GSN: variants seen among roughly 807,000 people sequenced by gnomAD.
GSN encodes actin-depolymerizing factor.
Under a neutral mutation model 85.7 loss-of-function variants are expected in GSN, and 56 were observed. That is an observed-to-expected ratio of 0.65 (90% CI 0.53 to 0.82). The LOEUF is 0.82. GSN is among the 40% of genes least tolerant of loss of function. The pLI, the probability that GSN is intolerant of heterozygous loss-of-function variation, is 0.00. For synonymous variants in GSN, 373 were observed against 399.1 expected, an observed-to-expected ratio of 0.93 and a Z score of 0.78; for missense variants, 857 against 979.8, an observed-to-expected ratio of 0.87 and a Z score of 1.67.
intron 6 of GSN, among the ~76,000 whole-genome samples, chr9:121,251,477 G>A (rs989297405): frequency 1.6e-4 from 25 of 151,786 alleles, no homozygotes; most frequent in African/African-American, 4.8e-5. Flanking sequence ...GATTATAGGC[G>A]TGAGCTACCG....
At chr9:121,310,412 G>T in intron 4 of GSN, 1 of 483,818 alleles carries the variant, frequency 2.1e-6, no homozygotes, top group South Asian at 2.1e-5. Context: ...AGGGGTGGCA[G>T]AAAGATGCAG....
intron 2 of GSN, among the ~76,000 whole-genome samples, chr9:121,287,117 C>T (rs1302044205): frequency 6.6e-6 from 1 of 152,162 alleles, no homozygotes; most frequent in Admixed American, 6.5e-5. Context: ...CCTCTCTTGG[C>T]CCCCTGGGCC....
intron 4 of GSN, among the ~76,000 whole-genome samples, chr9:121,211,260 C>T (rs757515063): frequency 6.6e-6 from 1 of 152,110 alleles, no homozygotes; most frequent in Non-Finnish European, 1.5e-5. Flanking sequence ...GGTTATACAA[C>T]AATGTGAATG....
chr9:121,308,233 A>G (rs910783808), intron 4 of GSN: 5 of 152,122 alleles, frequency 3.3e-5, no homozygotes, highest in Admixed American at 1.3e-4. Context: ...GTCCCAAGGG[A>G]CTCTTGAAAG....
intron 12 of GSN, 122 bp from the exon 13 acceptor site, chr9:121,326,390 A>G (rs2133872304): frequency 1.2e-6 from 1 of 817,812 alleles, no homozygotes; most frequent in East Asian, 2.6e-5. Context: ...GTCGGGTCAC[A>G]TTCCATGCCA....
intron 5 of GSN, among the ~76,000 whole-genome samples, chr9:121,234,179 A>G (rs1449334149): frequency 2.0e-5 from 3 of 152,130 alleles, no homozygotes; most frequent in East Asian, 1.9e-4. Flanking sequence ...CTTGTATTCC[A>G]TTGGTTAATA....
chr9:121,280,949 C>T (rs1403663294), intron 1 of GSN: 1 of 152,472 alleles, frequency 6.6e-6, no homozygotes, highest in Non-Finnish European at 1.5e-5. Flanking sequence ...GGTGAGAGTC[C>T]TGCTTGCCCT....
At chr9:121,317,525 T>C in intron 8 of GSN, 1 of 385,510 alleles carries the variant, frequency 2.6e-6, no homozygotes, top group Non-Finnish European at 4.9e-6. Context: ...CATCTAACTG[T>C]ATGGTCAGAT....
At chr9:121,298,338 G>T (rs2059410261) in intron 2 of GSN, among the ~76,000 whole-genome samples, 2 of 152,206 alleles carry the variant, frequency 1.3e-5, no homozygotes, top group African/African-American at 2.4e-5. Context: ...TGGGTCACAA[G>T]TCCCTTTCTC....
intron 4 of GSN, among the ~76,000 whole-genome samples, chr9:121,219,866 C>T (rs1232211565): frequency 6.6e-6 from 1 of 152,034 alleles, no homozygotes; most frequent in Admixed American, 6.6e-5. Flanking sequence ...ACCTACACTC[C>T]CCTTTCTTTT....
intron 7 of GSN, among the ~76,000 whole-genome samples, 183 bp from the exon 8 acceptor site, chr9:121,316,903 G>A (rs2061775312): frequency 6.6e-6 from 1 of 151,952 alleles, no homozygotes; most frequent in South Asian, 2.1e-4. Flanking sequence ...CTGCGTGTAG[G>A]TCAGCAGATG....
intron 2 of GSN, chr9:121,286,186 GT>G: frequency 6.5e-7 from 1 of 1,527,806 alleles, no homozygotes; most frequent in Non-Finnish European, 8.8e-7. Context: ...TGACCCATGG[GT>G]GAGTAGCACG....
intron 12 of GSN, among the ~76,000 whole-genome samples, chr9:121,325,288 A>AG (rs1210024533): frequency 6.6e-6 from 1 of 152,216 alleles, no homozygotes; most frequent in Admixed American, 6.5e-5. Context: ...CTGTCCCAGG[A>AG]GGGGACTGTT....
In GSN at chr9:121,282,323, C is replaced by T. The variant is rs187698642; in HGVS notation, c.-10+761C>T. On this transcript the variant is annotated intron_variant, in intron 2 of 17. Transcript: ENST00000432226. Reference sequence around the variant, plus strand: ...ACCAGTGAGACAGGAAGGATCACTACTAGGGGGAATCGCCCAGCTTCCAAC... The same window carrying T: ...ACCAGTGAGACAGGAAGGATCACTATTAGGGGGAATCGCCCAGCTTCCAAC... The T allele has an allele frequency of 3.3e-5, 19 of 572,466 alleles. No homozygotes were observed. The East Asian group carries it at 4.7e-4, about 14-fold the overall frequency. 35.5% of individuals were successfully genotyped at this position (572,466 alleles called of 1,614,324 possible).
chr9:121,327,140 G>A, intron 13 of GSN, 168 bp from the exon 14 acceptor site: 1 of 761,662 alleles, frequency 1.3e-6, no homozygotes, highest in Non-Finnish European at 2.4e-6. Context: ...ACTCATGGGA[G>A]TCAACCAAGG....
At chr9:121,214,293 CTCTTCCTCTTCT>C (rs1035030781) in intron 4 of GSN, among the ~76,000 whole-genome samples, 8 of 150,716 alleles carry the variant, frequency 5.3e-5, no homozygotes, top group East Asian at 3.9e-4. Flanking sequence ...CTCCTTCTTC[CTCTTCCTCTTCT>C]TCTTCCTCTT....
At chr9:121,266,866 A>T (rs1224363628), upstream of GSN, among the ~76,000 whole-genome samples, 1 of 152,182 alleles carries the variant, frequency 6.6e-6, no homozygotes, top group African/African-American at 2.4e-5. Context: ...TGGCAGGAGG[A>T]AGAGCCAGGG....
At chr9:121,224,408 A>G (rs1022670625) in intron 4 of GSN, among the ~76,000 whole-genome samples, 2 of 152,136 alleles carry the variant, frequency 1.3e-5, no homozygotes, top group Admixed American at 6.5e-5. Context: ...CTATACATTT[A>G]TTTTTATCAC....
In GSN at chr9:121,318,975, T is replaced by C. The variant is rs542584086; in HGVS notation, c.1191+95T>C. The C allele has an allele frequency of 3.1e-6, 3 of 971,370 alleles. No homozygotes were observed. In the African/African-American group the frequency reaches 4.8e-5, roughly 16 times the overall value. The allele number at this position is 971,370 out of a possible 1,614,324, so 60.2% of individuals were successfully genotyped here. A position where few individuals can be genotyped will look rare whatever the true frequency, so the allele number is the denominator to read the frequency against. On this transcript the variant is annotated intron_variant, in intron 10 of 17. Transcript: ENST00000432226. The surrounding 1 kb of genome is among the most constrained non-coding windows in gnomAD (Gnocchi z 4.3). ...TCCCCAAGGAGGTTTCTCTCTGAGG[T>C]TTGCACAACTTTGGTAGCTGAGATT...
Sources: allele counts gnomAD v4.1 joint callset (sites outside exome capture counted in the v4.1 genomes callset), GRCh38; gene constraint gnomAD v4.1.1; non-coding constraint Gnocchi (gnomAD v3.1); transcripts MANE v1.5; gene names NCBI Gene and HGNC (gene_info 2026-07-23, HGNC 2026-07-21).